SIK3: variants seen among roughly 807,000 people sequenced by gnomAD.
SIK3 encodes the protein SIK family kinase 3.
In SIK3, 28 loss-of-function variants were observed where a neutral mutation model predicts 144.2. That is an observed-to-expected ratio of 0.19 (90% CI 0.14 to 0.27). The LOEUF (loss-of-function observed/expected upper bound fraction) is 0.27. SIK3 is among the 10% of genes least tolerant of loss of function. SIK3 has a pLI of 1.00. For synonymous variants in SIK3, 686 were observed against 676.3 expected (o/e 1.01, Z -0.22); for missense variants, 1,319 against 1,776.0 (o/e 0.74, Z 4.62).
intron 1 of SIK3, among the ~76,000 whole-genome samples, chr11:117,013,488 T>C (rs1368532332): frequency 1.1e-4 from 16 of 152,048 alleles, no homozygotes; most frequent in African/African-American, 3.9e-4. Flanking sequence ...CAAAAAAACA[T>C]AAAAAAACTT....
chr11:116,857,991 G>T lies in SIK3; in HGVS notation c.3474C>A (p.Asp1158Glu). The T allele has an allele frequency of 1.2e-6, 2 of 1,614,206 alleles. No homozygotes were observed. The highest frequency in any genetic ancestry group is 1.7e-6 in the Non-Finnish European group (2 of 1,180,034). ...TGGTCAATGTACTTGAACTCTTACT[G>T]TCTTGGAAGCCATCCTTGGCCCCCT... is the stretch of plus-strand genomic sequence containing the variant. ...SCEGAKDGFQ[D>E]SKSSSTLTKG... Residue 1158 changes from aspartate (D) to glutamate (E), a missense_variant, in exon 21 of 25, where the codon GAC becomes GAA. Physicochemically the swap from Asp to Glu is conservative, Grantham distance 45. This residue lies in a region of SIK3 where 646 missense variants were observed against 763.7 expected (regional missense o/e 0.85). Coordinates refer to ENST00000445177, the MANE Select transcript of SIK3 (RefSeq NM_001366686.3).
chr11:116,930,675 A>T (rs1947552240), intron 3 of SIK3, among the ~76,000 whole-genome samples: 1 of 152,188 alleles, frequency 6.6e-6, no homozygotes, highest in Admixed American at 6.5e-5. Flanking sequence ...AATTCAGTGA[A>T]CTACCTCTCC....
At chr11:116,945,207 C>G (rs1332629291) in intron 3 of SIK3, among the ~76,000 whole-genome samples, 1 of 152,078 alleles carries the variant, frequency 6.6e-6, no homozygotes, top group Non-Finnish European at 1.5e-5. Context: ...GATCCGCCCG[C>G]CTCAGCCTCC....
intron 6 of SIK3, among the ~76,000 whole-genome samples, chr11:116,890,695 C>G (rs2134699953): frequency 6.6e-6 from 1 of 152,294 alleles, no homozygotes; most frequent in Non-Finnish European, 1.5e-5. Context: ...ATTCTTATTT[C>G]TATCCAATCT....
At chr11:117,015,866 G>C (rs1259765259) in intron 1 of SIK3, 1 of 152,178 alleles carries the variant, frequency 6.6e-6, no homozygotes, top group South Asian at 2.1e-4. Context: ...ACCGTGCCCA[G>C]CCTACAACCA....
intron 1 of SIK3, among the ~76,000 whole-genome samples, chr11:117,090,433 C>A (rs912607343): frequency 7.9e-5 from 12 of 151,506 alleles, no homozygotes; most frequent in African/African-American, 2.9e-4. Context: ...TTCTCTTGAC[C>A]CTCACCTGTG....
chr11:116,921,225 A>T (rs1946952421), intron 4 of SIK3, among the ~76,000 whole-genome samples: 1 of 152,212 alleles, frequency 6.6e-6, no homozygotes, highest in Non-Finnish European at 1.5e-5. Flanking sequence ...GAAGATGAAG[A>T]GATTTTACTT....
chr11:116,852,374 T>G (rs1335870549), intron 21 of SIK3, among the ~76,000 whole-genome samples: 2 of 152,078 alleles, frequency 1.3e-5, no homozygotes, highest in Non-Finnish European at 2.9e-5. Flanking sequence ...TGACAAATCA[T>G]GTAGGGGGCC....
chr11:116,996,557 C>T (rs918486986), intron 1 of SIK3, among the ~76,000 whole-genome samples: 37 of 152,044 alleles, frequency 2.4e-4, no homozygotes, highest in African/African-American at 7.2e-4. Context: ...CGGTGGCTCA[C>T]GCCTGTAATC....
intron 1 of SIK3, among the ~76,000 whole-genome samples, chr11:117,075,545 T>C (rs970343901): frequency 8.3e-6 from 1 of 120,972 alleles, no homozygotes; most frequent in Non-Finnish European, 1.7e-5. Flanking sequence ...TATTTTTTTT[T>C]CTTTTTTTTT....
At chr11:117,081,300 G>A (rs1171246962) in intron 1 of SIK3, among the ~76,000 whole-genome samples, 3 of 152,112 alleles carry the variant, frequency 2.0e-5, no homozygotes, top group Non-Finnish European at 4.4e-5. Flanking sequence ...TATTAGAGAG[G>A]CAAATACATA....
chr11:116,846,171 T>C lies in SIK3; in HGVS notation c.*13+212A>G, dbSNP rs367912553. 6.6e-6 allele frequency among the ~76,000 whole-genome samples: 1 copy of C among 152,172 alleles called. No individual in the cohort carries two copies. Among genetic ancestry groups the C allele is most frequent in the Non-Finnish European group, 1.5e-5 (1 of 68,032 alleles). On this transcript the variant is annotated intron_variant, in intron 24 of 24. Coordinates refer to ENST00000445177, the MANE Select transcript of SIK3 (RefSeq NM_001366686.3). The surrounding 1 kb of genome is among the most constrained non-coding windows in gnomAD (Gnocchi z 4.1). ...CATAACCGAACCAAGAGACTGTGTT[T>C]AGCATTTCTTCTGCACACCCCCACC...
At chr11:116,921,187 CA>C (rs1265360473) in intron 4 of SIK3, among the ~76,000 whole-genome samples, 56 of 152,150 alleles carry the variant, frequency 3.7e-4, no homozygotes, top group Non-Finnish European at 1.3e-4. Flanking sequence ...ACAAGAAATT[CA>C]GAAGTTTTGG....
intron 3 of SIK3, among the ~76,000 whole-genome samples, chr11:116,938,351 G>C (rs187513386): frequency 0.16 from 445 of 2,852 alleles, 46 homozygotes; most frequent in Non-Finnish European, 0.29. Flanking sequence ...GGGGACGGGA[G>C]GGGAGGGGAG....
At chr11:116,978,548 G>C (rs1324626099) in intron 1 of SIK3, among the ~76,000 whole-genome samples, 2 of 151,922 alleles carry the variant, frequency 1.3e-5, no homozygotes, top group Non-Finnish European at 2.9e-5. Flanking sequence ...ATGATGTACA[G>C]GCTGGAGTGG....
At chr11:116,917,827 GAAGGAAAGGAAAGGAAAGGA>G (rs55678809) in intron 4 of SIK3, among the ~76,000 whole-genome samples, 5 of 104,952 alleles carry the variant, frequency 4.8e-5, no homozygotes, top group African/African-American at 8.8e-5. Context: ...GAAGAAGAAG[GAAGGAAAGGAAAGGAAAGGA>G]AAGGAAAGGA....
intron 1 of SIK3, among the ~76,000 whole-genome samples, chr11:117,052,920 G>A (rs1953326907): frequency 6.6e-6 from 1 of 152,166 alleles, no homozygotes; most frequent in Non-Finnish European, 1.5e-5. Context: ...CTTTATTCTG[G>A]GCTACACAAA....
At chr11:116,934,284 A>G (rs552836999) in intron 3 of SIK3, among the ~76,000 whole-genome samples, 267 of 152,356 alleles carry the variant, frequency 1.8e-3, no homozygotes, top group Non-Finnish European at 3.1e-3. Flanking sequence ...TATTAAAAGA[A>G]CAAAAGATGA....
intron 1 of SIK3, among the ~76,000 whole-genome samples, chr11:117,052,098 G>A (rs1953275920): frequency 6.6e-6 from 1 of 151,974 alleles, no homozygotes; most frequent in African/African-American, 2.4e-5. Flanking sequence ...GCAAGATAGT[G>A]CCACTGGACT....
Sources: allele counts gnomAD v4.1 joint callset (sites outside exome capture counted in the v4.1 genomes callset), GRCh38; gene constraint gnomAD v4.1.1; regional missense constraint gnomAD v4.1.1; non-coding constraint Gnocchi (gnomAD v3.1); transcripts MANE v1.5; gene names NCBI Gene and HGNC (gene_info 2026-07-23, HGNC 2026-07-21).